TBC1D9: variants seen among roughly 807,000 people sequenced by gnomAD.
The protein encoded by TBC1D9 is TBC1 domain family member 9A.
In TBC1D9, 63 loss-of-function variants were observed where a neutral mutation model predicts 132.0. That is an observed-to-expected ratio of 0.48 (90% CI 0.39 to 0.59). The LOEUF is 0.59. TBC1D9 is among the 20% of genes least tolerant of loss of function. TBC1D9 has a pLI of 0.00. For missense variants in TBC1D9, 1,261 were observed against 1,592.7 expected, an observed-to-expected ratio of 0.79 and a Z score of 3.54; for synonymous variants, 610 against 609.9, an observed-to-expected ratio of 1.00 and a Z score of 0.00.
intron 1 of TBC1D9, among the ~76,000 whole-genome samples, chr4:140,711,853 T>A (rs1335538769): frequency 6.6e-6 from 1 of 152,218 alleles, no homozygotes; most frequent in Non-Finnish European, 1.5e-5. Context: ...GTATTAATTT[T>A]AAAGAATACA....
chr4:140,646,804 T>C (rs1162677161), intron 13 of TBC1D9, among the ~76,000 whole-genome samples: 1 of 152,222 alleles, frequency 6.6e-6, no homozygotes. Flanking sequence ...GCAGGATTTA[T>C]GGAAGAAACT....
chr4:140,732,755 G>GT (rs1033602839), intron 1 of TBC1D9, among the ~76,000 whole-genome samples: 10 of 151,964 alleles, frequency 6.6e-5, no homozygotes, highest in Middle Eastern at 3.4e-3. Context: ...GGAAACCAGG[G>GT]TTTTTTTTGG....
intron 1 of TBC1D9, among the ~76,000 whole-genome samples, chr4:140,729,493 C>T: frequency 6.6e-6 from 1 of 152,136 alleles, no homozygotes; most frequent in African/African-American, 2.4e-5. Context: ...ACTTCCCTTC[C>T]TTTTGATTTT....
chr4:140,636,809 T>C (rs1379754176), intron 15 of TBC1D9, among the ~76,000 whole-genome samples: 2 of 152,208 alleles, frequency 1.3e-5, no homozygotes, highest in African/African-American at 4.8e-5. Context: ...AATGATTCCA[T>C]GAAGTGTCCA....
intron 13 of TBC1D9, chr4:140,643,242 TC>T: frequency 7.6e-7 from 1 of 1,310,696 alleles, no homozygotes; most frequent in Non-Finnish European, 1.1e-6. Flanking sequence ...GCTCCTCCTC[TC>T]CAGCTCCAGC....
At chr4:140,748,677 CAT>C (rs1223540657) in intron 1 of TBC1D9, among the ~76,000 whole-genome samples, 2 of 152,180 alleles carry the variant, frequency 1.3e-5, no homozygotes, top group Admixed American at 6.5e-5. Context: ...ATGCTTAAAA[CAT>C]ATTAAGTGCC....
chr4:140,737,110 C>G (rs754677292), intron 1 of TBC1D9, among the ~76,000 whole-genome samples: 1 of 152,132 alleles, frequency 6.6e-6, no homozygotes, highest in Non-Finnish European at 1.5e-5. Flanking sequence ...CCCTTGCATG[C>G]GCAGTGCACA....
chr4:140,653,054 AC>A (rs1034567981), intron 13 of TBC1D9, among the ~76,000 whole-genome samples: 4 of 152,048 alleles, frequency 2.6e-5, no homozygotes, highest in Non-Finnish European at 5.9e-5. Context: ...CTTCTATATT[AC>A]TCTGCTCAAA....
In TBC1D9 at chr4:140,621,309, T is replaced by C. The variant is rs765676856; in HGVS notation, c.*886A>G. ...ATGGTAAAGTTGACTGTTTTACTTA[T>C]GTTTTTGCAGTAAGAAGCTAAACAT... is the stretch of plus-strand genomic sequence containing the variant. On this transcript the variant is annotated 3_prime_UTR_variant, in exon 21 of 21. Transcript: ENST00000442267. The C allele has an allele frequency of 2.0e-5, 3 of 152,564 alleles. No individual in the cohort carries two copies. The highest frequency in any genetic ancestry group is 2.9e-5 in the Non-Finnish European group (2 of 68,020). 9.5% of individuals were successfully genotyped at this position (152,564 alleles called of 1,614,324 possible).
chr4:140,692,807 C>T (rs1019159766), intron 2 of TBC1D9, among the ~76,000 whole-genome samples: 1 of 151,984 alleles, frequency 6.6e-6, no homozygotes, highest in African/African-American at 2.4e-5. Flanking sequence ...ATCACTTGAG[C>T]CTAGGAGTTC....
intron 1 of TBC1D9, among the ~76,000 whole-genome samples, chr4:140,745,991 G>T (rs555280916): frequency 2.0e-5 from 3 of 152,254 alleles, no homozygotes; most frequent in Non-Finnish European, 4.4e-5. Context: ...TAGTTGTGGA[G>T]GTCTCCACTG....
At chr4:140,671,712 G>A (rs7678284) in intron 6 of TBC1D9, among the ~76,000 whole-genome samples, 75 of 147,766 alleles carry the variant, frequency 5.1e-4, no homozygotes, top group African/African-American at 1.7e-3. Flanking sequence ...GTGTGTGTGT[G>A]TGTGCCGAAG....
At chr4:140,651,092 T>A (rs1220376188) in intron 13 of TBC1D9, among the ~76,000 whole-genome samples, 1 of 152,168 alleles carries the variant, frequency 6.6e-6, no homozygotes, top group Non-Finnish European at 1.5e-5. Flanking sequence ...GTAAAACAAT[T>A]AGTATGGTAG....
intron 1 of TBC1D9, among the ~76,000 whole-genome samples, chr4:140,745,010 T>A (rs1406845135): frequency 1.3e-5 from 2 of 151,700 alleles, no homozygotes; most frequent in Non-Finnish European, 2.9e-5. Context: ...GATCTATAGA[T>A]AATAACTCTT....
intron 16 of TBC1D9, among the ~76,000 whole-genome samples, chr4:140,632,894 A>G (rs1033812499): frequency 1.3e-5 from 2 of 152,246 alleles, no homozygotes; most frequent in Non-Finnish European, 2.9e-5. Flanking sequence ...TGTTGTTTAG[A>G]TTAATATAGT....
chr4:140,640,206 T>C (rs981141395), intron 13 of TBC1D9, among the ~76,000 whole-genome samples: 7 of 152,044 alleles, frequency 4.6e-5, no homozygotes, highest in East Asian at 1.9e-4. Context: ...CAGGAGGCTA[T>C]GTGGCTTGCA....
At chr4:140,714,729 T>C (rs887804664) in intron 1 of TBC1D9, among the ~76,000 whole-genome samples, 2 of 152,198 alleles carry the variant, frequency 1.3e-5, no homozygotes, top group Admixed American at 1.3e-4. Flanking sequence ...TAAAACATGC[T>C]AAAGAAATAC....
At chr4:140,754,310 C>T (rs1314908094) in intron 1 of TBC1D9, among the ~76,000 whole-genome samples, 1 of 152,090 alleles carries the variant, frequency 6.6e-6, no homozygotes, top group East Asian at 1.9e-4. Flanking sequence ...GTGTTGTTGT[C>T]CTAGGCTTAA....
chr4:140,667,685 C>G (rs547640979), intron 9 of TBC1D9, among the ~76,000 whole-genome samples: 1 of 151,932 alleles, frequency 6.6e-6, no homozygotes, highest in South Asian at 2.1e-4. Flanking sequence ...ATTGATTGAG[C>G]CTACAAGTTT....
Sources: gnomAD v4.1 joint callset for allele counts (sites outside exome capture counted in the v4.1 genomes callset) on GRCh38, gnomAD v4.1.1 for gene constraint, MANE v1.5 for transcripts, NCBI Gene and HGNC (gene_info 2026-07-23, HGNC 2026-07-21) for gene names.